TTC6: variants seen among roughly 807,000 people sequenced by gnomAD.
TTC6 encodes tetratricopeptide repeat protein 6.
A neutral mutation model predicts 210.4 loss-of-function variants in TTC6; 172 were observed. That is an observed-to-expected ratio of 0.82 (90% CI 0.72 to 0.93). TTC6 has a LOEUF of 0.93. Ranked by LOEUF, TTC6 falls within the 40% of genes least tolerant of loss-of-function variation. The pLI, the probability that TTC6 is intolerant of heterozygous loss-of-function variation, is 0.00. For missense variants in TTC6, 2,414 were observed against 2,318.1 expected, an observed-to-expected ratio of 1.04 and a Z score of -0.85; for synonymous variants, 804 against 819.6, an observed-to-expected ratio of 0.98 and a Z score of 0.32.
intron 1 of TTC6, among the ~76,000 whole-genome samples, chr14:37,638,730 T>C (rs1041638940): frequency 6.6e-6 from 1 of 152,174 alleles, no homozygotes; most frequent in Non-Finnish European, 1.5e-5. Flanking sequence ...TATTATAGTT[T>C]TGCACAATGG....
chr14:37,667,422 C>A (rs1335551413), intron 1 of TTC6, among the ~76,000 whole-genome samples: 1 of 150,384 alleles, frequency 6.6e-6, no homozygotes, highest in Non-Finnish European at 1.5e-5. Flanking sequence ...TCCCAGAAGA[C>A]CAAGGTTTTC....
In TTC6 at chr14:37,636,573, TA is replaced by T. The variant is rs35292936; in HGVS notation, c.939+13579del. On this transcript the variant is annotated intron_variant, in intron 1 of 30. Transcript: ENST00000553443. ...AAATAAAAAAAATTGAGCTGCTTTG[TA>T]AAAAAAAAGTCAAAATTTGTATACC... Among the ~76,000 whole-genome samples, 712 of 151,038 alleles carry T rather than the reference TA, an allele frequency of 4.7e-3. 7 individuals are homozygous for T. The highest frequency in any genetic ancestry group is 8.8e-3 in the East Asian group (45 of 5,124).
chr14:37,689,909 A>G (rs902886024), intron 3 of TTC6, among the ~76,000 whole-genome samples: 3 of 152,192 alleles, frequency 2.0e-5, no homozygotes, highest in Non-Finnish European at 4.4e-5. Context: ...GTAAGTACAC[A>G]GAAAAACAGA....
intron 29 of TTC6, among the ~76,000 whole-genome samples, chr14:37,832,329 C>CTTTTTTTTTTTTTTTT (rs58133834): frequency 1.5e-5 from 1 of 68,916 alleles, no homozygotes; most frequent in African/African-American, 5.6e-5. Context: ...TTCTTTCTCT[C>CTTTTTTTTTTTTTTTT]TTTTTTTTTT....
intron 7 of TTC6, among the ~76,000 whole-genome samples, chr14:37,735,561 A>G (rs1423905703): frequency 1.3e-5 from 2 of 152,230 alleles, no homozygotes; most frequent in Non-Finnish European, 2.9e-5. Flanking sequence ...TGTGTTGACA[A>G]GAAAACTAGA....
chr14:37,817,459 A>G (rs2096144733), intron 25 of TTC6, 119 bp from the exon 28 acceptor site: 7 of 786,602 alleles, frequency 8.9e-6, no homozygotes, highest in Non-Finnish European at 1.2e-5. Context: ...TGTCACATGT[A>G]TTTAGGAAGA....
chr14:37,623,026 A>G (rs1294470834), intron 1 of TTC6, 23 bp downstream of exon 3: 14 of 1,434,614 alleles, frequency 9.8e-6, no homozygotes, highest in Non-Finnish European at 1.3e-5. Flanking sequence ...AAACAAGAGT[A>G]ACATTTTTCC....
intron 7 of TTC6, among the ~76,000 whole-genome samples, chr14:37,726,562 A>C (rs1410907939): frequency 6.6e-6 from 1 of 151,996 alleles, no homozygotes; most frequent in Non-Finnish European, 1.5e-5. Flanking sequence ...ATATCTGTGT[A>C]GTGTATTTTT....
At chr14:37,760,195 C>CT (rs1331758849) in intron 14 of TTC6, among the ~76,000 whole-genome samples, 6 of 151,918 alleles carry the variant, frequency 3.9e-5, no homozygotes, top group African/African-American at 1.5e-4. Flanking sequence ...TGTGGGTGTC[C>CT]TTTTTGTTGA....
At chr14:37,755,091 G>C (rs1296160592) in intron 14 of TTC6, among the ~76,000 whole-genome samples, 1 of 152,046 alleles carries the variant, frequency 6.6e-6, no homozygotes, top group Non-Finnish European at 1.5e-5. Flanking sequence ...CTTTTTATCA[G>C]CATTCTAACT....
chr14:37,790,766 A>C (rs1454721873), exon 16 of TTC6: 2 of 1,534,616 alleles, frequency 1.3e-6, no homozygotes, highest in African/African-American at 2.7e-5. Context: ...TACATCGGGG[A>C]ATAGTCTATG....
At chr14:37,767,054 G>GT (rs1260919835) in intron 14 of TTC6, among the ~76,000 whole-genome samples, 4 of 152,158 alleles carry the variant, frequency 2.6e-5, no homozygotes, top group Non-Finnish European at 4.4e-5. Context: ...GCGGTGTTTG[G>GT]TTTTTTGTTC....
chr14:37,764,687 A>G (rs997730346), intron 14 of TTC6, among the ~76,000 whole-genome samples: 6 of 152,028 alleles, frequency 3.9e-5, no homozygotes, highest in African/African-American at 1.4e-4. Context: ...TTTTTCCTAG[A>G]TATCATGTAG....
intron 3 of TTC6, among the ~76,000 whole-genome samples, chr14:37,687,984 T>TG (rs2095797105): frequency 6.6e-6 from 1 of 152,096 alleles, no homozygotes; most frequent in South Asian, 2.1e-4. Flanking sequence ...GAGCACCAAG[T>TG]GGGCTCTTGG....
At chr14:37,720,037 A>T (rs1488500210) in intron 6 of TTC6, among the ~76,000 whole-genome samples, 2 of 152,230 alleles carry the variant, frequency 1.3e-5, no homozygotes, top group Admixed American at 6.5e-5. Flanking sequence ...AAAACCATTA[A>T]TAAACATTTC....
intron 2 of TTC6, among the ~76,000 whole-genome samples, chr14:37,607,754 G>A (rs2139237632): frequency 6.6e-6 from 1 of 151,674 alleles, no homozygotes. Context: ...TCAGCCCCAA[G>A]GTAGCTAGGA....
At chr14:37,717,717 C>T (rs546597770) in intron 6 of TTC6, among the ~76,000 whole-genome samples, 2 of 151,378 alleles carry the variant, frequency 1.3e-5, no homozygotes, top group Admixed American at 1.3e-4. Flanking sequence ...GCTAGTAATA[C>T]CCTAGTATCT....
At chr14:37,759,869 C>G (rs756295471) in intron 14 of TTC6, among the ~76,000 whole-genome samples, 5 of 152,158 alleles carry the variant, frequency 3.3e-5, no homozygotes, top group Non-Finnish European at 7.4e-5. Context: ...ATCTTCTTCT[C>G]GAAATTGGTT....
At chr14:37,756,350 T>G (rs2095967643) in intron 14 of TTC6, among the ~76,000 whole-genome samples, 1 of 152,232 alleles carries the variant, frequency 6.6e-6, no homozygotes, top group African/African-American at 2.4e-5. Flanking sequence ...TCCTTTCTCT[T>G]GCCTGATTTC....
Sources: allele counts gnomAD v4.1 joint callset (sites outside exome capture counted in the v4.1 genomes callset), GRCh38; gene constraint gnomAD v4.1.1; transcripts MANE v1.5; gene names NCBI Gene and HGNC (gene_info 2026-07-23, HGNC 2026-07-21).